LRP1B: variants seen among roughly 807,000 people sequenced by gnomAD.
The protein encoded by LRP1B is low-density lipoprotein receptor-related protein 1B.
A neutral mutation model predicts 556.6 loss-of-function variants in LRP1B; 217 were observed. That is an observed-to-expected ratio of 0.39 (90% CI 0.35 to 0.44). LRP1B has a LOEUF of 0.44. Ranked by LOEUF, LRP1B falls within the 20% of genes least tolerant of loss-of-function variation. The pLI is 1.00. For missense variants in LRP1B, 5,053 were observed against 5,620.8 expected (o/e 0.90, Z 3.23); for synonymous variants, 2,047 against 1,865.8 (o/e 1.10, Z -2.50).
At chr2:140,951,503 C>T (rs1181550501) in intron 19 of LRP1B, among the ~76,000 whole-genome samples, 1 of 152,140 alleles carries the variant, frequency 6.6e-6, no homozygotes, top group Non-Finnish European at 1.5e-5. Flanking sequence ...TGGGTAATTT[C>T]ATAGCAATGT....
rs114229513 is a variant in LRP1B, at chr2:140,602,224, G to A, written c.6800-585C>T. ...TGAGATAAAAAAAAACAAAGCAAGA[G>A]AAAAAGAAATTAATTGCCAGCTAAA... On this transcript the variant is annotated intron_variant, in intron 41 of 90. Transcript: ENST00000389484. Among the ~76,000 whole-genome samples the A allele has an allele frequency of 3.6e-3, 544 of 151,680 alleles. 1 individual carries two copies. Among genetic ancestry groups the A allele is most frequent in the Non-Finnish European group, 6.3e-3 (429 of 67,838 alleles).
chr2:141,693,482 A>T (rs1691621276), intron 2 of LRP1B, among the ~76,000 whole-genome samples: 1 of 152,046 alleles, frequency 6.6e-6, no homozygotes, highest in Non-Finnish European at 1.5e-5. Flanking sequence ...ATTAAAACAT[A>T]AATATATAAT....
At chr2:140,469,690 T>TA (rs1176693106) in intron 60 of LRP1B, among the ~76,000 whole-genome samples, 1 of 152,234 alleles carries the variant, frequency 6.6e-6, no homozygotes, top group African/African-American at 2.4e-5. Flanking sequence ...ACTTTATTTG[T>TA]GTAAGTGTAT....
intron 41 of LRP1B, among the ~76,000 whole-genome samples, chr2:140,622,290 AC>A (rs1268953351): frequency 6.6e-6 from 1 of 152,232 alleles, no homozygotes; most frequent in Non-Finnish European, 1.5e-5. Context: ...CAAAATGAAT[AC>A]CATGAAAATA....
chr2:141,572,196 C>T (rs1310231056), intron 2 of LRP1B, among the ~76,000 whole-genome samples: 1 of 152,066 alleles, frequency 6.6e-6, no homozygotes, highest in Admixed American at 6.5e-5. Flanking sequence ...GTCAGGTCAC[C>T]TACAAAGGGA....
chr2:140,634,291 C>T (rs1683996606), intron 41 of LRP1B, among the ~76,000 whole-genome samples: 1 of 152,102 alleles, frequency 6.6e-6, no homozygotes, highest in African/African-American at 2.4e-5. Context: ...ACAGAAGGGA[C>T]TTCCTCAACT....
intron 3 of LRP1B, among the ~76,000 whole-genome samples, chr2:141,332,567 A>G (rs1408438440): frequency 6.6e-6 from 1 of 152,016 alleles, no homozygotes; most frequent in Admixed American, 6.5e-5. Context: ...TGTGTTCTGA[A>G]AATGATCAGG....
intron 2 of LRP1B, among the ~76,000 whole-genome samples, chr2:141,776,553 A>T (rs1300029284): frequency 6.6e-6 from 1 of 152,190 alleles, no homozygotes; most frequent in South Asian, 2.1e-4. Context: ...CACAACATGG[A>T]AGGTGATCAG....
chr2:141,065,332 C>T (rs1041521134), intron 7 of LRP1B, among the ~76,000 whole-genome samples: 1 of 151,894 alleles, frequency 6.6e-6, no homozygotes, highest in African/African-American at 2.4e-5. Flanking sequence ...CAGTATATCT[C>T]TCATAATCAA....
chr2:141,781,756 T>C (rs976585444), intron 2 of LRP1B, among the ~76,000 whole-genome samples: 2 of 152,168 alleles, frequency 1.3e-5, no homozygotes, highest in African/African-American at 4.8e-5. Context: ...AAAAGACATG[T>C]ATGCACATTT....
chr2:141,673,749 A>T (rs1359148492), intron 2 of LRP1B, among the ~76,000 whole-genome samples: 1 of 152,100 alleles, frequency 6.6e-6, no homozygotes, highest in Non-Finnish European at 1.5e-5. Context: ...GTTAAATAAT[A>T]TTTTGTTGAT....
intron 6 of LRP1B, among the ~76,000 whole-genome samples, chr2:141,214,825 A>T (rs967094267): frequency 3.9e-5 from 6 of 152,190 alleles, no homozygotes; most frequent in Admixed American, 3.9e-4. Flanking sequence ...CACTGAAATT[A>T]GCTCTTACAC....
At chr2:141,471,268 A>ATGTTTTTTT (rs1553518973) in intron 3 of LRP1B, among the ~76,000 whole-genome samples, 11 of 31,900 alleles carry the variant, frequency 3.4e-4, no homozygotes, top group Admixed American at 4.9e-4. Flanking sequence ...ATACCCTGGT[A>ATGTTTTTTT]TTTTTTTTTT....
At position 142,115,522 on chromosome 2, in the gene LRP1B, A is replaced by ATG. The variant is rs1295481159; in HGVS notation, c.82+15125_82+15126insCA. Among the ~76,000 whole-genome samples, 5 of 60,892 alleles carry ATG rather than the reference A, an allele frequency of 8.2e-5. 1 individual carries two copies. Among genetic ancestry groups the ATG allele is most frequent in the African/African-American group, 1.6e-4 (3 of 18,942 alleles). 39.9% of individuals were successfully genotyped at this position (60,892 alleles called of 152,430 possible). A position where few individuals can be genotyped will look rare whatever the true frequency, so the allele number is the denominator to read the frequency against. ...ATAATATATATTATATATTACATAT[A>ATG]TAATATATATATTACATATGTAATA... On this transcript the variant is annotated intron_variant, in intron 1 of 90. Coordinates refer to ENST00000389484, the MANE Select transcript of LRP1B (RefSeq NM_018557.3).
intron 2 of LRP1B, among the ~76,000 whole-genome samples, chr2:141,789,207 A>C (rs752424984): frequency 6.6e-6 from 1 of 152,132 alleles, no homozygotes; most frequent in Non-Finnish European, 1.5e-5. Flanking sequence ...GGATTGAAGA[A>C]AACTAGATGT....
At chr2:141,271,771 G>GAA (rs11326474) in intron 3 of LRP1B, among the ~76,000 whole-genome samples, 32 of 138,090 alleles carry the variant, frequency 2.3e-4, no homozygotes, top group East Asian at 6.6e-4. Context: ...GAAACCATAT[G>GAA]AAAAAAAAAA....
chr2:140,810,928 G>T (rs1690897137), intron 32 of LRP1B, among the ~76,000 whole-genome samples: 1 of 152,044 alleles, frequency 6.6e-6, no homozygotes, highest in Non-Finnish European at 1.5e-5. Context: ...GTAGAGACAG[G>T]GTTTCACTAT....
chr2:141,532,922 G>A (rs565812687), intron 2 of LRP1B, among the ~76,000 whole-genome samples: 2 of 152,066 alleles, frequency 1.3e-5, no homozygotes, highest in African/African-American at 4.8e-5. Flanking sequence ...GGAGGCAGAG[G>A]TTGCAGTGAG....
At chr2:142,061,266 ATATT>A (rs1704897996) in intron 1 of LRP1B, among the ~76,000 whole-genome samples, 2 of 151,956 alleles carry the variant, frequency 1.3e-5, no homozygotes, top group Non-Finnish European at 2.9e-5. Flanking sequence ...TGTGAAGACA[ATATT>A]TAGTTTTTGG....
Sources: gnomAD v4.1 joint callset for allele counts (sites outside exome capture counted in the v4.1 genomes callset) on GRCh38, gnomAD v4.1.1 for gene constraint, MANE v1.5 for transcripts, NCBI Gene and HGNC (gene_info 2026-07-23, HGNC 2026-07-21) for gene names.